SPAG17: variants seen among roughly 807,000 people sequenced by gnomAD.
The protein encoded by SPAG17 is sperm associated antigen 17.
Under a neutral mutation model 273.6 loss-of-function variants are expected in SPAG17, and 169 were observed. The ratio of observed to expected loss-of-function variants is 0.62; its 90% CI spans 0.55 to 0.70. SPAG17 has a LOEUF of 0.70. Ranked by LOEUF, SPAG17 falls within the 30% of genes least tolerant of loss-of-function variation. SPAG17 has a pLI of 0.00. For missense variants in SPAG17, 2,557 were observed against 2,627.8 expected (o/e 0.97, Z 0.59); for synonymous variants, 825 against 873.2 (o/e 0.94, Z 0.97).
At chr1:118,131,053 T>A (rs1490168637) in intron 3 of SPAG17, among the ~76,000 whole-genome samples, 2 of 152,190 alleles carry the variant, frequency 1.3e-5, no homozygotes, top group African/African-American at 4.8e-5. Flanking sequence ...CAAACCACAA[T>A]GAGCTATGAG....
At chr1:118,032,219 C>A (rs1249835048) in intron 24 of SPAG17, among the ~76,000 whole-genome samples, 2 of 151,844 alleles carry the variant, frequency 1.3e-5, no homozygotes, top group South Asian at 2.1e-4. Flanking sequence ...ATGTTTAGAG[C>A]AGCAGAAAAT....
intron 43 of SPAG17, among the ~76,000 whole-genome samples, chr1:117,979,870 A>C (rs1655579577): frequency 6.6e-6 from 1 of 152,096 alleles, no homozygotes; most frequent in Non-Finnish European, 1.5e-5. Context: ...ATTTTTTTAC[A>C]ATGAGGCCTT....
At chr1:118,112,190 T>A (rs934032628) in intron 4 of SPAG17, among the ~76,000 whole-genome samples, 5 of 152,166 alleles carry the variant, frequency 3.3e-5, no homozygotes, top group Admixed American at 2.6e-4. Context: ...TTCAAAATTG[T>A]CTTGACTTTA....
chr1:118,001,462 G>T (rs1398883372), intron 32 of SPAG17, among the ~76,000 whole-genome samples: 1 of 152,022 alleles, frequency 6.6e-6, no homozygotes, highest in Non-Finnish European at 1.5e-5. Context: ...GACTTTTTTT[G>T]GCTGGTAGGC....
At position 118,081,118 on chromosome 1, in the gene SPAG17, G is replaced by A; in HGVS notation, c.2192C>T (p.Pro731Leu). The change falls in exon 15 of 49, where the codon CCC becomes CTC. Residue 731 changes from proline (P) to leucine (L), a missense_variant. Transcript: ENST00000336338. ...LEQESIMKAQ[P>L]QHESLEQTTN... ...TAACTTACCCAGAGACTCATGTTGGGGCTGAGCCTTCATGATGCTCTCCTG... is the reference window on the plus strand; with the variant it reads ...TAACTTACCCAGAGACTCATGTTGGAGCTGAGCCTTCATGATGCTCTCCTG... The A allele has an allele frequency of 6.2e-7, 1 of 1,613,226 alleles. No homozygotes were observed. The highest frequency in any genetic ancestry group is 8.5e-7 in the Non-Finnish European group (1 of 1,179,402).
intron 1 of SPAG17, among the ~76,000 whole-genome samples, chr1:118,174,066 G>A (rs555326005): frequency 1.1e-4 from 16 of 152,050 alleles, no homozygotes; most frequent in South Asian, 4.1e-4. Context: ...GAGGCATACA[G>A]ATAAATTGGA....
At chr1:117,989,488 T>A (rs1165179132) in intron 38 of SPAG17, among the ~76,000 whole-genome samples, 1 of 151,324 alleles carries the variant, frequency 6.6e-6, no homozygotes, top group African/African-American at 2.4e-5. Context: ...GGACAGAAGG[T>A]ACCAAGCCAT....
intron 13 of SPAG17, among the ~76,000 whole-genome samples, chr1:118,084,509 C>T (rs1041447610): frequency 2.6e-5 from 4 of 152,258 alleles, no homozygotes; most frequent in African/African-American, 9.6e-5. Context: ...ATCACAAAAT[C>T]CCAGTGAACT....
In SPAG17 at chr1:118,081,612, G is replaced by A. The variant is rs756627139; in HGVS notation, c.1793C>T (p.Ala598Val). 4.3e-5 allele frequency: 70 copies of A among 1,613,788 alleles called. No individual in the cohort carries two copies. The highest frequency in any genetic ancestry group is 5.3e-5 in the Non-Finnish European group (62 of 1,179,950). The change falls in exon 14 of 49, where the codon GCC becomes GTC. Residue 598 changes from alanine (A) to valine (V), a missense_variant. By Grantham distance (64) the Ala-to-Val change is moderately conservative. Transcript: ENST00000336338. Reference sequence around the variant, plus strand: ...GCTCTCAAAAGTAAACACCTTGAAGGCTCGTTCTACTTCATTCCAGCTCAA... The same window carrying A: ...GCTCTCAAAAGTAAACACCTTGAAGACTCGTTCTACTTCATTCCAGCTCAA... ...DVLSWNEVER[A>V]FKVFTFESLK...
chr1:118,072,545 A>G (rs1653707928), intron 17 of SPAG17, among the ~76,000 whole-genome samples: 1 of 152,204 alleles, frequency 6.6e-6, no homozygotes, highest in Non-Finnish European at 1.5e-5. Context: ...TGACTTACTC[A>G]GTAGTAGAGA....
intron 17 of SPAG17, among the ~76,000 whole-genome samples, chr1:118,068,834 G>GC: frequency 6.6e-6 from 1 of 152,264 alleles, no homozygotes; most frequent in Middle Eastern, 3.4e-3. Flanking sequence ...GCCCAGGCTG[G>GC]CCCCTAAAGC....
At chr1:118,034,338 C>T (rs143318191) in intron 24 of SPAG17, among the ~76,000 whole-genome samples, 51 of 152,306 alleles carry the variant, frequency 3.3e-4, no homozygotes, top group African/African-American at 1.2e-3. Flanking sequence ...GCAAAATGTC[C>T]TTGTACAGTC....
intron 3 of SPAG17, among the ~76,000 whole-genome samples, chr1:118,142,402 C>A (rs1044546610): frequency 2.8e-4 from 43 of 151,984 alleles, no homozygotes; most frequent in African/African-American, 9.9e-4. Context: ...GTTGGTTGCA[C>A]AACAAAGTGA....
At chr1:118,085,174 A>C (rs1174429620) in intron 13 of SPAG17, among the ~76,000 whole-genome samples, 2 of 152,248 alleles carry the variant, frequency 1.3e-5, no homozygotes, top group East Asian at 3.9e-4. Flanking sequence ...TGCCAAATTC[A>C]GATTATCTCG....
At chr1:118,171,291 T>C (rs748441326) in intron 1 of SPAG17, among the ~76,000 whole-genome samples, 1 of 151,918 alleles carries the variant, frequency 6.6e-6, no homozygotes, top group Non-Finnish European at 1.5e-5. Flanking sequence ...AGTGAGAAAA[T>C]ATAAGATTTG....
At chr1:118,098,850 A>C (rs1350485572) in intron 6 of SPAG17, among the ~76,000 whole-genome samples, 1 of 152,170 alleles carries the variant, frequency 6.6e-6, no homozygotes, top group Non-Finnish European at 1.5e-5. Flanking sequence ...TAGAGCAGCA[A>C]TTTAAAAATG....
chr1:118,074,676 T>C, intron 15 of SPAG17, 76 bp from the exon 16 acceptor site: 1 of 1,319,796 alleles, frequency 7.6e-7, no homozygotes, highest in South Asian at 1.2e-5. Flanking sequence ...TGTGCTTTTT[T>C]GTTGCCCATA....
intron 32 of SPAG17, among the ~76,000 whole-genome samples, chr1:118,003,786 T>C (rs866359622): frequency 3.9e-5 from 6 of 152,156 alleles, no homozygotes; most frequent in Non-Finnish European, 7.4e-5. Flanking sequence ...GAGAAGTTTG[T>C]TATAACTGAC....
At chr1:118,086,192 T>G in intron 12 of SPAG17, 120 bp from the exon 13 acceptor site, 1 of 970,466 alleles carries the variant, frequency 1.0e-6, no homozygotes, top group African/African-American at 1.7e-5. Flanking sequence ...GGGAAATCAA[T>G]GGTAATTGGG....
Sources: allele counts gnomAD v4.1 joint callset (sites outside exome capture counted in the v4.1 genomes callset), GRCh38; gene constraint gnomAD v4.1.1; transcripts MANE v1.5; gene names NCBI Gene and HGNC (gene_info 2026-07-23, HGNC 2026-07-21).